SANBR: variants seen among roughly 807,000 people sequenced by gnomAD.
SANBR encodes the protein SANT and BTB domain regulator of CSR.
In SANBR, 77 loss-of-function variants were observed where a neutral mutation model predicts 101.8. That is an observed-to-expected ratio of 0.76 (90% CI 0.63 to 0.91). The LOEUF (loss-of-function observed/expected upper bound fraction) is 0.91. SANBR is among the 40% of genes least tolerant of loss of function. The probability of loss-of-function intolerance (pLI) is 0.00; values close to 1 mark genes in which losing one functional copy is unlikely to be tolerated. For synonymous variants in SANBR, 279 were observed against 274.7 expected (o/e 1.02, Z -0.15); for missense variants, 875 against 853.0 (o/e 1.03, Z -0.32).
At chr2:61,076,648 A>G (rs1681800040) in intron 5 of SANBR, among the ~76,000 whole-genome samples, 1 of 151,684 alleles carries the variant, frequency 6.6e-6, no homozygotes, top group Non-Finnish European at 1.5e-5. Flanking sequence ...AAAAAGAAAG[A>G]AAAAGAAATT....
intron 6 of SANBR, among the ~76,000 whole-genome samples, chr2:61,077,957 A>G (rs760934711): frequency 9.2e-5 from 14 of 152,248 alleles, no homozygotes; most frequent in Non-Finnish European, 1.6e-4. Flanking sequence ...ACAAAATTCA[A>G]GGTTTCCAGT....
chr2:61,080,850 T>C (rs190639496), intron 6 of SANBR, among the ~76,000 whole-genome samples: 1 of 152,340 alleles, frequency 6.6e-6, no homozygotes, highest in Non-Finnish European at 1.5e-5. Context: ...AGTACTGTAA[T>C]GATGCAAAAC....
intron 6 of SANBR, 56 bp downstream of exon 6, chr2:61,077,214 T>A: frequency 8.1e-7 from 1 of 1,236,494 alleles, no homozygotes; most frequent in African/African-American, 1.5e-5. Context: ...ACCTGGTAGT[T>A]TCTTCAGGCC....
At chr2:61,073,329 A>G in intron 4 of SANBR, 129 bp from the exon 5 acceptor site, 1 of 459,228 alleles carries the variant, frequency 2.2e-6, no homozygotes, top group Middle Eastern at 3.3e-4. Context: ...CCACCCTGAT[A>G]AGTACCATCT....
intron 21 of SANBR, among the ~76,000 whole-genome samples, chr2:61,134,442 C>T (rs1684785332): frequency 6.6e-6 from 1 of 152,148 alleles, no homozygotes; most frequent in Admixed American, 6.6e-5. Flanking sequence ...GTTCAAGGCC[C>T]TGCTCAAATC....
At chr2:61,112,279 G>C (rs1000072732) in intron 16 of SANBR, among the ~76,000 whole-genome samples, 3 of 151,974 alleles carry the variant, frequency 2.0e-5, no homozygotes, top group African/African-American at 7.3e-5. Flanking sequence ...CATTCTAGTG[G>C]GTAGATAGTG....
At chr2:61,088,708 A>G (rs1189334706) in intron 10 of SANBR, 1 of 269,806 alleles carries the variant, frequency 3.7e-6, no homozygotes, top group South Asian at 1.2e-4. Flanking sequence ...TTTAGTAGAG[A>G]TGGAGTTTCA....
At chr2:61,100,787 A>G (rs529194826) in intron 12 of SANBR, among the ~76,000 whole-genome samples, 1 of 152,338 alleles carries the variant, frequency 6.6e-6, no homozygotes, top group African/African-American at 2.4e-5. Flanking sequence ...TTTTCCAGAG[A>G]AAATGTATAC....
intron 8 of SANBR, among the ~76,000 whole-genome samples, chr2:61,085,244 T>A (rs537660119): frequency 6.6e-6 from 1 of 152,260 alleles, no homozygotes; most frequent in African/African-American, 2.4e-5. Context: ...AATCTTTGCC[T>A]CCCTAAAAGT....
intron 4 of SANBR, 145 bp downstream of exon 4, chr2:61,071,937 T>A (rs1681495842): frequency 1.7e-6 from 1 of 584,432 alleles, no homozygotes; most frequent in Admixed American, 4.0e-5. Flanking sequence ...CTTCCTGAAT[T>A]TTGTTGTTTT....
At position 61,118,085 on chromosome 2, in the gene SANBR, T is replaced by C. The variant is rs753122668; in HGVS notation, c.1997T>C (p.Leu666Pro). The stretch of plus-strand genomic sequence containing the variant: ...CTAATAAAAATGAGATTGGGGGATC[T>C]GGACCGAGTCAAGTCAAAGGAAGCA... Reference protein sequence around the residue: ...GHLIKMRLGDLDRVKSKEAKE... With the variant: ...GHLIKMRLGDPDRVKSKEAKE... Residue 666 changes from leucine (L) to proline (P), a missense_variant, in exon 20 of 22, where the codon CTG (leucine) becomes CCG (proline). Leu to Pro is a moderately conservative substitution (Grantham distance 98). Coordinates refer to ENST00000402291, the MANE Select transcript of SANBR (RefSeq NM_001129993.3). The C allele has an allele frequency of 6.2e-7, 1 of 1,613,818 alleles. No individual in the cohort carries two copies. Among genetic ancestry groups the C allele is most frequent in the South Asian group, 1.1e-5 (1 of 91,036 alleles).
At chr2:61,125,650 TCTTA>T (rs1037966342), downstream of SANBR, among the ~76,000 whole-genome samples, 2 of 152,188 alleles carry the variant, frequency 1.3e-5, no homozygotes, top group South Asian at 2.1e-4. Flanking sequence ...CCAGTTTGCT[TCTTA>T]CTATTTGTTC....
At chr2:61,116,524 A>T (rs1465417717) in intron 17 of SANBR, among the ~76,000 whole-genome samples, 1 of 152,160 alleles carries the variant, frequency 6.6e-6, no homozygotes, top group Non-Finnish European at 1.5e-5. Context: ...ATCATATTTT[A>T]TGATATTTAA....
rs777901820 is a variant in SANBR, at chr2:61,088,355, T to TA, written c.978-2dup. On this transcript the variant is annotated splice_region_variant and splice_polypyrimidine_tract_variant and intron_variant, in intron 9 of 21. Transcript: ENST00000402291. ...ATGTTTTTTGTATCTTCTTTGTTTA[T>TA]AGATGCTGTTTGTGTAAGAAACTTT... The TA allele has an allele frequency of 2.5e-6, 4 of 1,582,382 alleles. No homozygotes were observed. The African/African-American group carries it at 5.5e-5, about 22-fold the overall frequency.
chr2:61,099,288 C>CA (rs1257616875), intron 12 of SANBR, among the ~76,000 whole-genome samples: 1 of 152,184 alleles, frequency 6.6e-6, no homozygotes, highest in Non-Finnish European at 1.5e-5. Flanking sequence ...TCAGTGGAAT[C>CA]ACGTACAAAA....
At chr2:61,076,883 TC>T in intron 5 of SANBR, 36 bp from the exon 6 acceptor site, 3 of 1,457,802 alleles carry the variant, frequency 2.1e-6, no homozygotes, top group Non-Finnish European at 2.9e-6. Context: ...TTTCTAAAAC[TC>T]TAATAATTTC....
Position 61,122,207 on chromosome 2 carries a change from A to G in SANBR, c.*45A>G. On this transcript the variant is annotated 3_prime_UTR_variant, in exon 22 of 22. Coordinates refer to ENST00000402291, the MANE Select transcript of SANBR (RefSeq NM_001129993.3). Reference sequence around the variant, plus strand: ...AAAAAGAGAGAAGGCACTCTTCTGGACATCTGAAATTGCTCACTTCTTGAA... The same window carrying G: ...AAAAAGAGAGAAGGCACTCTTCTGGGCATCTGAAATTGCTCACTTCTTGAA... The G allele has an allele frequency of 6.6e-7, 1 of 1,523,828 alleles. No individual in the cohort carries two copies. Among genetic ancestry groups the G allele is most frequent in the Non-Finnish European group, 8.8e-7 (1 of 1,134,416 alleles). The allele number at this position is 1,523,828 out of a possible 1,614,324, so 94.4% of individuals were successfully genotyped here. A position where few individuals can be genotyped will look rare whatever the true frequency, so the allele number is the denominator to read the frequency against.
chr2:61,083,364 A>G, intron 8 of SANBR, 50 bp downstream of exon 8: 2 of 1,093,038 alleles, frequency 1.8e-6, no homozygotes, highest in Non-Finnish European at 2.7e-6. Context: ...TAAAAGAAAT[A>G]TATTTCTATT....
chr2:61,120,892 G>A (rs764030993), intron 20 of SANBR, among the ~76,000 whole-genome samples: 2 of 152,128 alleles, frequency 1.3e-5, no homozygotes, highest in Non-Finnish European at 1.5e-5. Flanking sequence ...GCCAGAAATT[G>A]GTAGTGGTAG....
Sources: gnomAD v4.1 joint callset for allele counts (sites outside exome capture counted in the v4.1 genomes callset) on GRCh38, gnomAD v4.1.1 for gene constraint, MANE v1.5 for transcripts, NCBI Gene and HGNC (gene_info 2026-07-23, HGNC 2026-07-21) for gene names.